CNTN4: variants seen among roughly 807,000 people sequenced by gnomAD.
CNTN4 encodes contactin-4.
CNTN4 carries 77 observed loss-of-function variants against 122.5 expected under a neutral mutation model. The observed-to-expected ratio is 0.63, with a 90% CI of 0.52 to 0.76. The LOEUF is 0.76. Among genes scored for constraint, CNTN4 ranks in the 30% least tolerant of loss-of-function variants. The pLI, the probability that CNTN4 is intolerant of heterozygous loss-of-function variation, is 0.00. For synonymous variants in CNTN4, 512 were observed against 447.0 expected (o/e 1.15, Z -1.83); for missense variants, 1,256 against 1,259.1 (o/e 1.00, Z 0.04).
intron 14 of CNTN4, among the ~76,000 whole-genome samples, chr3:2,993,420 C>T (rs1442929741): frequency 6.6e-6 from 1 of 151,536 alleles, no homozygotes; most frequent in African/African-American, 2.4e-5. Flanking sequence ...GCCTCAGTCT[C>T]CCTAGTAGCT....
At chr3:2,676,503 T>G (rs1250041201) in intron 4 of CNTN4, among the ~76,000 whole-genome samples, 2 of 152,314 alleles carry the variant, frequency 1.3e-5, no homozygotes, top group Non-Finnish European at 1.5e-5. Flanking sequence ...ATTACAGGCG[T>G]GAGCCACTGT....
At chr3:2,826,655 C>T (rs1018675825) in intron 7 of CNTN4, among the ~76,000 whole-genome samples, 1 of 152,168 alleles carries the variant, frequency 6.6e-6, no homozygotes, top group Non-Finnish European at 1.5e-5. Flanking sequence ...ACTCAGCTTT[C>T]GTTATTAAGA....
intron 2 of CNTN4, among the ~76,000 whole-genome samples, chr3:2,250,612 A>G (rs1258152805): frequency 7.9e-5 from 12 of 152,040 alleles, no homozygotes; most frequent in African/African-American, 2.9e-4. Context: ...CATTACATGT[A>G]TGGAAACATC....
At chr3:2,169,558 A>C (rs2036360359) in intron 2 of CNTN4, among the ~76,000 whole-genome samples, 2 of 146,498 alleles carry the variant, frequency 1.4e-5, no homozygotes, top group South Asian at 4.3e-4. Context: ...AGGCGCCGCC[A>C]CCACGCCCGG....
intron 4 of CNTN4, among the ~76,000 whole-genome samples, chr3:2,600,235 G>C (rs1374892120): frequency 6.6e-6 from 1 of 151,644 alleles, no homozygotes; most frequent in South Asian, 2.1e-4. Flanking sequence ...TTAAGTTCTA[G>C]GGTACATGTG....
chr3:2,459,042 T>A (rs2049105451), intron 3 of CNTN4, among the ~76,000 whole-genome samples: 1 of 152,174 alleles, frequency 6.6e-6, no homozygotes, highest in Non-Finnish European at 1.5e-5. Context: ...AGCATCAGAT[T>A]TCCCCTATAT....
intron 2 of CNTN4, among the ~76,000 whole-genome samples, chr3:2,169,158 T>G (rs976207951): frequency 2.0e-5 from 3 of 152,198 alleles, no homozygotes; most frequent in Admixed American, 6.5e-5. Context: ...ACCAGCTTCC[T>G]TATTATTACT....
rs938979260 is a variant in CNTN4, at chr3:2,618,275, T to G, written c.55+46717T>G. On this transcript the variant is annotated intron_variant, in intron 4 of 24. Coordinates refer to ENST00000418658, the MANE Select transcript of CNTN4 (RefSeq NM_175607.3). ...TATATATGGAATATGCATGTATATG[T>G]GTATAAATAATATATGTATATGTGT... 2.6e-5 allele frequency among the ~76,000 whole-genome samples: 4 copies of G among 152,302 alleles called. No homozygotes were observed. The South Asian group carries it at 6.2e-4, about 24-fold the overall frequency.
intron 4 of CNTN4, among the ~76,000 whole-genome samples, chr3:2,578,473 C>G (rs1299363385): frequency 6.6e-6 from 1 of 152,138 alleles, no homozygotes; most frequent in Non-Finnish European, 1.5e-5. Flanking sequence ...CACTGCACAG[C>G]AAGGTATAAT....
intron 4 of CNTN4, among the ~76,000 whole-genome samples, chr3:2,646,719 AG>A (rs1467373004): frequency 6.6e-6 from 1 of 152,204 alleles, no homozygotes; most frequent in Non-Finnish European, 1.5e-5. Flanking sequence ...TCCAAGATCA[AG>A]GCTTCAGAAG....
At chr3:2,945,183 A>G (rs748242673) in intron 13 of CNTN4, among the ~76,000 whole-genome samples, 1 of 152,164 alleles carries the variant, frequency 6.6e-6, no homozygotes, top group Non-Finnish European at 1.5e-5. Flanking sequence ...CTATAATTAT[A>G]AGAGATGACT....
chr3:2,267,106 C>T (rs1163176231), intron 2 of CNTN4, among the ~76,000 whole-genome samples: 1 of 152,034 alleles, frequency 6.6e-6, no homozygotes, highest in Admixed American at 6.6e-5. Context: ...GTGAACCTTT[C>T]CTGTGTCGGA....
chr3:2,455,863 C>T (rs1045917674), intron 3 of CNTN4, among the ~76,000 whole-genome samples: 1 of 151,986 alleles, frequency 6.6e-6, no homozygotes, highest in African/African-American at 2.4e-5. Context: ...GGAGACTAAA[C>T]CTGGACACTA....
intron 4 of CNTN4, among the ~76,000 whole-genome samples, chr3:2,591,540 A>ATT: frequency 1.1e-5 from 1 of 87,824 alleles, no homozygotes; most frequent in African/African-American, 4.3e-5. Context: ...AATTTTTTGT[A>ATT]TTTTTAGTAG....
chr3:2,689,367 G>T (rs1201786266), intron 4 of CNTN4, among the ~76,000 whole-genome samples: 1 of 152,106 alleles, frequency 6.6e-6, no homozygotes, highest in Non-Finnish European at 1.5e-5. Flanking sequence ...CAGTAGCTTG[G>T]ATAGCACCTC....
intron 2 of CNTN4, among the ~76,000 whole-genome samples, chr3:2,185,712 G>C (rs1369203774): frequency 6.6e-6 from 1 of 152,072 alleles, no homozygotes; most frequent in Non-Finnish European, 1.5e-5. Flanking sequence ...CAGAGATCTT[G>C]GACTGCCAAT....
intron 4 of CNTN4, among the ~76,000 whole-genome samples, chr3:2,658,948 ACC>A (rs1473039674): frequency 5.4e-4 from 70 of 129,928 alleles, no homozygotes; most frequent in African/African-American, 2.1e-3. Flanking sequence ...CAAATAACAC[ACC>A]CACACACACA....
At chr3:2,699,892 G>A (rs1040355677) in intron 4 of CNTN4, among the ~76,000 whole-genome samples, 3 of 152,098 alleles carry the variant, frequency 2.0e-5, no homozygotes, top group African/African-American at 7.2e-5. Context: ...CTGAATCTCT[G>A]CACAAATTCA....
At chr3:2,822,890 C>G (rs1156598436) in intron 7 of CNTN4, among the ~76,000 whole-genome samples, 1 of 152,120 alleles carries the variant, frequency 6.6e-6, no homozygotes, top group Non-Finnish European at 1.5e-5. Context: ...TGGTGAAAGA[C>G]AAGGAAATAA....
Sources: allele counts gnomAD v4.1 joint callset (sites outside exome capture counted in the v4.1 genomes callset), GRCh38; gene constraint gnomAD v4.1.1; transcripts MANE v1.5; gene names NCBI Gene and HGNC (gene_info 2026-07-23, HGNC 2026-07-21).